Variants in UBAP2L observed in about 807,000 individuals in gnomAD.
UBAP2L encodes the protein ubiquitin associated protein 2 like, also known as ubiquitin-associated protein 2-like.
Under a neutral mutation model 130.6 loss-of-function variants are expected in UBAP2L, and 12 were observed. The observed-to-expected ratio is 0.09, with a 90% CI of 0.06 to 0.15. UBAP2L has a LOEUF of 0.15. Ranked by LOEUF, UBAP2L falls within the 10% of genes least tolerant of loss-of-function variation. UBAP2L has a pLI of 1.00. For missense variants in UBAP2L, 965 were observed against 1,332.5 expected, an observed-to-expected ratio of 0.72 and a Z score of 4.29; for synonymous variants, 503 against 524.7, an observed-to-expected ratio of 0.96 and a Z score of 0.57.
At chr1:154,255,533 A>G (rs986744253) in intron 17 of UBAP2L, 150 bp from the exon 18 acceptor site, 6 of 1,103,502 alleles carry the variant, frequency 5.4e-6, no homozygotes, top group Non-Finnish European at 7.9e-6. Context: ...ACTGCTCTCT[A>G]CCCCTGGCTG....
chr1:154,269,293 C>T (rs1260451482), intron 26 of UBAP2L: 1 of 1,347,582 alleles, frequency 7.4e-7, no homozygotes, highest in African/African-American at 1.5e-5. Context: ...TTAGCTTTCC[C>T]TTCTAATGGT....
At chr1:154,220,571 C>G (rs1370236213), upstream of UBAP2L, 3 of 684,024 alleles carry the variant, frequency 4.4e-6, no homozygotes, top group Middle Eastern at 2.9e-4. Flanking sequence ...GGCGGACAGG[C>G]AGGAGAGCTG....
intron 16 of UBAP2L, 93 bp from the exon 17 acceptor site, chr1:154,255,059 T>C: frequency 6.8e-7 from 1 of 1,474,618 alleles, no homozygotes; most frequent in South Asian, 1.3e-5. Flanking sequence ...TAACTCATCC[T>C]TTTGTCTTTG....
At chr1:154,266,686 C>A in intron 25 of UBAP2L, 118 bp downstream of exon 25, 2 of 1,050,158 alleles carry the variant, frequency 1.9e-6, no homozygotes, top group South Asian at 1.3e-5. Flanking sequence ...GGAAACCCAT[C>A]CTACTTTTTC....
At chr1:154,256,658 A>T (rs749584247) in intron 18 of UBAP2L, among the ~76,000 whole-genome samples, 1 of 152,154 alleles carries the variant, frequency 6.6e-6, no homozygotes, top group Non-Finnish European at 1.5e-5. Context: ...GTAAAATCAG[A>T]ATTTTTGCTT....
chr1:154,225,032 A>T, intron 1 of UBAP2L, 52 bp from the exon 2 acceptor site: 1 of 1,280,130 alleles, frequency 7.8e-7, no homozygotes, highest in Non-Finnish European at 1.1e-6. Context: ...TGAGAGAGTT[A>T]AAAACATATT....
Position 154,261,708 on chromosome 1 carries a change from C to T in UBAP2L, c.2902+11C>T, listed in dbSNP as rs776534207. On this transcript the variant is annotated intron_variant, in intron 24 of 26. Coordinates refer to ENST00000428931, the MANE Select transcript of UBAP2L (RefSeq NM_014847.4). ...ATGGATACAACACTGGTAAGCTGACCTTGTCTCTGGCTCGGTGTTATCTGT... is the reference window on the plus strand; with the variant it reads ...ATGGATACAACACTGGTAAGCTGACTTTGTCTCTGGCTCGGTGTTATCTGT... 1.9e-6 allele frequency: 3 copies of T among 1,612,786 alleles called. No homozygotes were observed. Among genetic ancestry groups the T allele is most frequent in the Non-Finnish European group, 2.5e-6 (3 of 1,179,014 alleles).
At chr1:154,221,862 T>A (rs1237912467) in intron 1 of UBAP2L, among the ~76,000 whole-genome samples, 3 of 152,242 alleles carry the variant, frequency 2.0e-5, no homozygotes, top group African/African-American at 7.2e-5. Flanking sequence ...CCATAGGGTG[T>A]ATTTACGCTT....
Position 154,228,740 on chromosome 1 carries a change from G to A in UBAP2L, c.279+15G>A, listed in dbSNP as rs752154977. 1.3e-6 allele frequency: 2 copies of A among 1,593,408 alleles called. No homozygotes were observed. The highest frequency in any genetic ancestry group is 1.1e-5 in the South Asian group (1 of 90,554). ...ACCCAGACACGGTAGAGTGCTTATAGAGTGTTCTAGGACATGGGTCCTCAA... is the reference window on the plus strand; with the variant it reads ...ACCCAGACACGGTAGAGTGCTTATAAAGTGTTCTAGGACATGGGTCCTCAA... On this transcript the variant is annotated intron_variant, in intron 4 of 26. Coordinates refer to ENST00000428931, the MANE Select transcript of UBAP2L (RefSeq NM_014847.4).
chr1:154,265,613 A>G (rs1683016754), intron 24 of UBAP2L, among the ~76,000 whole-genome samples: 1 of 152,170 alleles, frequency 6.6e-6, no homozygotes, highest in African/African-American at 2.4e-5. Context: ...AGGTGATGGA[A>G]TATAGTATGA....
intron 20 of UBAP2L, 120 bp downstream of exon 20, chr1:154,257,554 G>T (rs1558211718): frequency 3.9e-6 from 4 of 1,028,622 alleles, no homozygotes; most frequent in Non-Finnish European, 5.8e-6. Flanking sequence ...AAGCCCTGCA[G>T]TTGGCTCTGT....
At chr1:154,270,018 G>A (rs1684401424) in intron 26 of UBAP2L, among the ~76,000 whole-genome samples, 182 bp from the exon 27 acceptor site, 2 of 152,056 alleles carry the variant, frequency 1.3e-5, no homozygotes, top group Admixed American at 6.6e-5. Flanking sequence ...AGTCAAAAAT[G>A]CCTTCCTGCT....
intron 25 of UBAP2L, among the ~76,000 whole-genome samples, chr1:154,268,499 C>A (rs1024083603): frequency 1.3e-5 from 2 of 152,172 alleles, no homozygotes; most frequent in African/African-American, 4.8e-5. Flanking sequence ...CCTATTTGGT[C>A]TTTACAACAG....
At chr1:154,269,600 T>C in intron 26 of UBAP2L, 2 of 368,634 alleles carry the variant, frequency 5.4e-6, no homozygotes, top group Non-Finnish European at 1.1e-5. Flanking sequence ...CTCTTTATCT[T>C]TGTACCCTTC....
chr1:154,260,821 A>G, intron 22 of UBAP2L, 71 bp from the exon 23 acceptor site: 18 of 1,437,290 alleles, frequency 1.3e-5, no homozygotes, highest in Non-Finnish European at 1.7e-5. Context: ...AATCATGTGA[A>G]ATCAGAAGAG....
intron 14 of UBAP2L, among the ~76,000 whole-genome samples, chr1:154,252,891 A>G (rs1207794442): frequency 6.6e-6 from 1 of 151,972 alleles, no homozygotes; most frequent in Non-Finnish European, 1.5e-5. Flanking sequence ...GGAGCCTAGA[A>G]TTCAGAATTC....
chr1:154,249,851 A>G (rs1353884807), intron 12 of UBAP2L, among the ~76,000 whole-genome samples: 1 of 145,434 alleles, frequency 6.9e-6, no homozygotes, highest in Non-Finnish European at 1.5e-5. Context: ...GCTAGTGTGA[A>G]GCTAGCTTTC....
Position 154,260,946 on chromosome 1 carries a change from C to T in UBAP2L, c.2633C>T (p.Thr878Ile), listed in dbSNP as rs1249888573. The change falls in exon 23 of 27, where the codon ACC becomes ATC. Residue 878 changes from threonine (T) to isoleucine (I), a missense_variant. Thr to Ile is a moderately conservative substitution (Grantham distance 89). Transcript: ENST00000428931. ...GDASSPAPAT[T>I]LAQPQQNQTQ... ...GCCTCCTCCCCAGCCCCGGCCACAA[C>T]CTTGGCCCAACCCCAACAGAACCAG... The T allele has an allele frequency of 6.2e-7, 1 of 1,614,106 alleles. No homozygotes were observed. The highest frequency in any genetic ancestry group is 8.5e-7 in the Non-Finnish European group (1 of 1,180,054).
At chr1:154,260,162 T>A (rs1681054330) in intron 22 of UBAP2L, 133 bp downstream of exon 22, 2 of 934,290 alleles carry the variant, frequency 2.1e-6, no homozygotes, top group Non-Finnish European at 3.3e-6. Flanking sequence ...AAGTTGGGCA[T>A]GTCATGGCTT....
Sources: allele counts gnomAD v4.1 joint callset (sites outside exome capture counted in the v4.1 genomes callset), GRCh38; gene constraint gnomAD v4.1.1; transcripts MANE v1.5; gene names NCBI Gene and HGNC (gene_info 2026-07-23, HGNC 2026-07-21).